SSBP1: variants seen among roughly 807,000 people sequenced by gnomAD.
SSBP1 encodes the protein single stranded DNA binding protein 1.
SSBP1 carries 20 observed loss-of-function variants against 27.0 expected under a neutral mutation model. The observed-to-expected ratio is 0.74, with a 90% confidence interval of 0.52 to 1.08. SSBP1 has a LOEUF of 1.08. Ranked by LOEUF, SSBP1 falls within the 50% of genes least tolerant of loss-of-function variation. The probability of loss-of-function intolerance (pLI) is 0.00; values close to 1 mark genes in which losing one functional copy is unlikely to be tolerated. For synonymous variants in SSBP1, 59 were observed against 59.3 expected (o/e 1.00, Z 0.02); for missense variants, 137 against 182.4 (o/e 0.75, Z 1.44).
At chr7:141,748,017 A>AATT (rs1223966676) in intron 6 of SSBP1, among the ~76,000 whole-genome samples, 1 of 140,026 alleles carries the variant, frequency 7.1e-6, no homozygotes, top group East Asian at 2.1e-4. Flanking sequence ...AAAAAAAAAA[A>AATT]TTTTTTTTTT....
intron 6 of SSBP1, chr7:141,745,973 C>A: frequency 1.0e-6 from 1 of 999,166 alleles, no homozygotes; most frequent in Non-Finnish European, 1.2e-6. Flanking sequence ...TTATTCGGAA[C>A]CTCTTTGGTA....
chr7:141,743,427 T>C, intron 3 of SSBP1, 134 bp from the exon 4 acceptor site: 1 of 1,019,212 alleles, frequency 9.8e-7, no homozygotes, highest in South Asian at 1.7e-5. Flanking sequence ...TAAGCCTAAT[T>C]ACCTTTTAAG....
At chr7:141,747,263 G>A (rs968709903) in intron 6 of SSBP1, among the ~76,000 whole-genome samples, 1 of 150,844 alleles carries the variant, frequency 6.6e-6, no homozygotes, top group African/African-American at 2.4e-5. Flanking sequence ...TTGTGCTTTT[G>A]TTTGCTTTTA....
intron 5 of SSBP1, among the ~76,000 whole-genome samples, chr7:141,745,178 G>A (rs1261318595): frequency 6.6e-6 from 1 of 152,178 alleles, no homozygotes; most frequent in East Asian, 1.9e-4. Flanking sequence ...CAAGGAAAAT[G>A]ATACATTGGA....
rs186904351 is a variant in SSBP1, at chr7:141,738,836, A to G, written c.-43-288A>G. The G allele has an allele frequency of 6.8e-5, 19 of 278,646 alleles. No homozygotes were observed. The Admixed American group carries it at 7.0e-4, about 10-fold the overall frequency. 17.3% of individuals were successfully genotyped at this position (278,646 alleles called of 1,614,324 possible). A position where few individuals can be genotyped will look rare whatever the true frequency, so the allele number is the denominator to read the frequency against. ...CTGCTCTAAGGGAGCTTGCATAGTA[A>G]TGAAATTTGAGAAGACAGTGGATTG... On this transcript the variant is annotated intron_variant, in intron 1 of 6. Transcript: ENST00000265304.
chr7:141,743,296 G>A (rs1179306020), intron 3 of SSBP1, among the ~76,000 whole-genome samples: 2 of 152,170 alleles, frequency 1.3e-5, no homozygotes, highest in Non-Finnish European at 2.9e-5. Flanking sequence ...TGAGCTCTTG[G>A]CGAGGGCTGT....
In SSBP1 at chr7:141,742,177, T is replaced by A; in HGVS notation, c.33T>A (p.Arg11=). Residue 11 remains arginine (R), a synonymous_variant, in exon 3 of 7, where the codon CGT becomes CGA. Coordinates refer to ENST00000265304, the MANE Select transcript of SSBP1 (RefSeq NM_003143.3). Reference sequence around the variant, plus strand: ...CATTTGTTCTTCTTTAGGTACTTCGTCAGTTTGTAAGACATGAGTCCGAAA... The same window carrying A: ...CATTTGTTCTTCTTTAGGTACTTCGACAGTTTGTAAGACATGAGTCCGAAA... MFRRPVLQVL[R]QFVRHESETT... The A allele has an allele frequency of 6.2e-7, 1 of 1,600,018 alleles. No homozygotes were observed. Among genetic ancestry groups the A allele is most frequent in the Non-Finnish European group, 8.6e-7 (1 of 1,168,616 alleles).
intron 5 of SSBP1, among the ~76,000 whole-genome samples, chr7:141,744,675 CTG>C (rs1356366049): frequency 6.6e-6 from 1 of 152,150 alleles, no homozygotes; most frequent in Admixed American, 6.6e-5. Context: ...TTTTCAATAA[CTG>C]TATAGCTTTT....
chr7:141,743,086 CTT>C, intron 3 of SSBP1, among the ~76,000 whole-genome samples: 1 of 152,324 alleles, frequency 6.6e-6, no homozygotes, highest in East Asian at 1.9e-4. Context: ...CTCTCCTGAC[CTT>C]GTGATCCGCC....
intron 6 of SSBP1, among the ~76,000 whole-genome samples, chr7:141,747,430 C>T (rs1431602650): frequency 6.4e-5 from 9 of 140,256 alleles, no homozygotes; most frequent in African/African-American, 2.1e-4. Context: ...CACTCTGTTG[C>T]CCCGGCTAGA....
chr7:141,742,418 C>T (rs1426678693), intron 3 of SSBP1, among the ~76,000 whole-genome samples, 189 bp downstream of exon 3: 1 of 152,196 alleles, frequency 6.6e-6, no homozygotes, highest in Non-Finnish European at 1.5e-5. Flanking sequence ...CCCCTGTTCT[C>T]CTTATCAGCC....
chr7:141,743,865 T>C (rs1584765920), intron 4 of SSBP1, 37 bp from the exon 5 acceptor site: 1 of 1,592,118 alleles, frequency 6.3e-7, no homozygotes. Context: ...TGTTGTCTGT[T>C]GGCATTTGTA....
intron 5 of SSBP1, 74 bp from the exon 6 acceptor site, chr7:141,745,422 A>G: frequency 7.9e-7 from 1 of 1,269,092 alleles, no homozygotes; most frequent in Non-Finnish European, 1.1e-6. Flanking sequence ...TCATATACTC[A>G]GTACCACCCT....
intron 3 of SSBP1, among the ~76,000 whole-genome samples, chr7:141,742,956 G>C (rs953856835): frequency 6.6e-6 from 1 of 152,188 alleles, no homozygotes; most frequent in Non-Finnish European, 1.5e-5. Context: ...CCGGGTTCAT[G>C]CCATTCTCCT....
At chr7:141,744,032 A>G in intron 5 of SSBP1, 43 bp downstream of exon 5, 1 of 1,549,504 alleles carries the variant, frequency 6.5e-7, no homozygotes, top group Non-Finnish European at 8.8e-7. Flanking sequence ...AATGATTTAA[A>G]GAACCGATAA....
At chr7:141,741,679 T>TA (rs199771557) in intron 2 of SSBP1, 25,154 of 586,264 alleles carry the variant, frequency 0.043, no homozygotes, top group Non-Finnish European at 0.049. Flanking sequence ...TTGTTTATAC[T>TA]AAAAAAAAAA....
intron 2 of SSBP1, 147 bp from the exon 3 acceptor site, chr7:141,742,022 G>A (rs374567748): frequency 1.4e-5 from 9 of 654,646 alleles, no homozygotes; most frequent in Non-Finnish European, 2.3e-5. Context: ...CTGGCACTCT[G>A]TTGGGAGAAC....
chr7:141,742,055 T>C lies in SSBP1; in HGVS notation c.25-114T>C, dbSNP rs562950720. 7.6e-6 allele frequency: 6 copies of C among 785,334 alleles called. No individual in the cohort carries two copies. The East Asian group carries it at 1.6e-4, about 21-fold the overall frequency. The allele number at this position is 785,334 out of a possible 1,614,324, so 48.6% of individuals were successfully genotyped here. On this transcript the variant is annotated intron_variant, in intron 2 of 6. Coordinates refer to ENST00000265304, the MANE Select transcript of SSBP1 (RefSeq NM_003143.3). The stretch of plus-strand genomic sequence containing the variant: ...AACATGAGAAGAGCTTCTCTTCTCT[T>C]CTGGAATTTTCAGGAACTACTGACT...
At chr7:141,750,103 G>A (rs6951586) in intron 6 of SSBP1, among the ~76,000 whole-genome samples, 3,301 of 152,286 alleles carry the variant, frequency 0.022, 119 homozygotes, top group African/African-American at 0.076. Context: ...TGAATTGTTC[G>A]AAAAGCAGCC....
Sources: gnomAD v4.1 joint callset for allele counts (sites outside exome capture counted in the v4.1 genomes callset) on GRCh38, gnomAD v4.1.1 for gene constraint, MANE v1.5 for transcripts, NCBI Gene and HGNC (gene_info 2026-07-23, HGNC 2026-07-21) for gene names.